ZNF654: variants seen among roughly 807,000 people sequenced by gnomAD.
ZNF654 encodes zinc finger protein 654, also known as melanoma-associated antigen.
A neutral mutation model predicts 95.3 loss-of-function variants in ZNF654; 19 were observed. The observed-to-expected ratio is 0.20, with a 90% CI of 0.14 to 0.29. The LOEUF (loss-of-function observed/expected upper bound fraction) is 0.29. ZNF654 is among the 10% of genes least tolerant of loss of function. The pLI is 1.00. For missense variants in ZNF654, 1,046 were observed against 1,341.0 expected, an observed-to-expected ratio of 0.78 and a Z score of 3.44; for synonymous variants, 413 against 457.9, an observed-to-expected ratio of 0.90 and a Z score of 1.25.
At chr3:88,132,141 C>T (rs1318936105) in intron 6 of ZNF654, among the ~76,000 whole-genome samples, 1 of 152,048 alleles carries the variant, frequency 6.6e-6, no homozygotes, top group Non-Finnish European at 1.5e-5. Context: ...TGTGTTCAAG[C>T]CATTCAGCTA....
chr3:88,114,032 AACTTTT>A (rs1157916310), intron 3 of ZNF654, among the ~76,000 whole-genome samples: 2 of 152,182 alleles, frequency 1.3e-5, no homozygotes, highest in African/African-American at 4.8e-5. Flanking sequence ...TCCATTCTTA[AACTTTT>A]ACTTGGCAAA....
In ZNF654 at chr3:88,141,673, C is replaced by A. The variant is rs921202280; in HGVS notation, c.*21C>A. The A allele has an allele frequency of 4.7e-6, 7 of 1,499,642 alleles. No individual in the cohort carries two copies. The African/African-American group carries it at 8.2e-5, about 18-fold the overall frequency. The allele number at this position is 1,499,642 out of a possible 1,614,324, so 92.9% of individuals were successfully genotyped here. The stretch of plus-strand genomic sequence containing the variant: ...CCTGATGAAAACGGTTCAGAAAGAT[C>A]TGTCAATCAAGCAGTAGTGTGAAAA... On this transcript the variant is annotated 3_prime_UTR_variant, in exon 9 of 9. Coordinates refer to ENST00000636215, the MANE Select transcript of ZNF654 (RefSeq NM_001350134.2).
intron 1 of ZNF654, among the ~76,000 whole-genome samples, chr3:88,074,698 C>T (rs1484521251): frequency 1.3e-5 from 2 of 152,112 alleles, no homozygotes; most frequent in African/African-American, 4.8e-5. Context: ...TATTACTGCA[C>T]CCAACCCAAT....
intron 1 of ZNF654, among the ~76,000 whole-genome samples, chr3:88,060,939 T>C (rs1706843274): frequency 6.6e-6 from 1 of 152,180 alleles, no homozygotes. Flanking sequence ...CCCAGTGTCA[T>C]AAAGAAGTTG....
At position 88,140,717 on chromosome 3, in the gene ZNF654, A is replaced by G. The variant is rs1402085986; in HGVS notation, c.3048A>G (p.Gln1016=). 3.1e-6 allele frequency: 5 copies of G among 1,613,784 alleles called. No individual in the cohort carries two copies. The South Asian group carries it at 5.5e-5, about 18-fold the overall frequency. Residue 1016 remains glutamine, a synonymous_variant, in exon 8 of 9, where the codon CAA becomes CAG. Transcript: ENST00000636215. ...CCATTTTGCCCAGTGTTGTACCACA[A>G]GAACACAACACCTTGCCAGTATCTC... ...NGSILPSVVP[Q]EHNTLPVSQA...
chr3:88,129,345 A>C (rs1363027914), intron 5 of ZNF654, among the ~76,000 whole-genome samples: 1 of 149,902 alleles, frequency 6.7e-6, no homozygotes, highest in Non-Finnish European at 1.5e-5. Flanking sequence ...AAAAAAAAAA[A>C]CCCAAGAAGC....
At chr3:88,102,896 A>T (rs1271582566) in intron 2 of ZNF654, among the ~76,000 whole-genome samples, 3 of 133,088 alleles carry the variant, frequency 2.3e-5, no homozygotes, top group Non-Finnish European at 4.6e-5. Context: ...TGTTGCATGG[A>T]TATATTGCTG....
At chr3:88,134,939 G>A (rs1352614439) in intron 6 of ZNF654, 122 bp from the exon 7 acceptor site, 6 of 578,772 alleles carry the variant, frequency 1.0e-5, no homozygotes, top group Non-Finnish European at 1.6e-5. Context: ...GGGGGTGAAC[G>A]TAATACATAT....
chr3:88,088,761 T>TGGATGGATGGATGG (rs1559701696), intron 2 of ZNF654, among the ~76,000 whole-genome samples: 9 of 126,428 alleles, frequency 7.1e-5, no homozygotes, highest in Non-Finnish European at 1.2e-4. Flanking sequence ...TGTATGTATG[T>TGGATGGATGGATGG]ATGGATGGAT....
At chr3:88,090,612 T>C (rs1485179223) in intron 2 of ZNF654, among the ~76,000 whole-genome samples, 3 of 151,970 alleles carry the variant, frequency 2.0e-5, no homozygotes, top group Non-Finnish European at 4.4e-5. Flanking sequence ...ATACAGTGTT[T>C]ATATTTCTAC....
At chr3:88,107,916 GACTA>G (rs1389146638) in intron 2 of ZNF654, among the ~76,000 whole-genome samples, 1 of 151,948 alleles carries the variant, frequency 6.6e-6, no homozygotes. Flanking sequence ...AAGTCTCTGT[GACTA>G]ACGTTCTTTT....
intron 1 of ZNF654, among the ~76,000 whole-genome samples, chr3:88,083,782 T>A (rs1462636091): frequency 2.0e-5 from 3 of 152,118 alleles, no homozygotes; most frequent in Non-Finnish European, 4.4e-5. Flanking sequence ...ATTATGTTAA[T>A]GGCAACCTAC....
chr3:88,072,726 T>G (rs544059879), intron 1 of ZNF654, among the ~76,000 whole-genome samples: 1 of 152,244 alleles, frequency 6.6e-6, no homozygotes, highest in South Asian at 2.1e-4. Flanking sequence ...CCATCTAATA[T>G]ATATTCATTT....
At position 88,128,981 on chromosome 3, in the gene ZNF654, G is replaced by A. The variant is rs1559729198; in HGVS notation, c.723G>A (p.Met241Ile). 3 of 1,534,056 alleles carry A rather than the reference G, an allele frequency of 2.0e-6. No homozygotes were observed. The highest frequency in any genetic ancestry group is 1.2e-5 in the South Asian group (1 of 83,860). Residue 241 changes from methionine to isoleucine, a missense_variant, in exon 5 of 9, where the codon ATG (methionine) becomes ATA (isoleucine). By Grantham distance (10) the Met-to-Ile change is conservative. This residue lies in a region of ZNF654 where 121 missense variants were observed against 141.7 expected (regional missense o/e 0.85). Transcript: ENST00000636215. ...AAGCACTCTTCACATGTCTGTTTAT[G>A]TCACCTGTAGAAGATCAGCTATTCC... ...FHQALFTCLF[M>I]SPVEDQLFRE...
chr3:88,111,678 T>C (rs937368690), intron 2 of ZNF654, among the ~76,000 whole-genome samples: 6 of 152,002 alleles, frequency 3.9e-5, no homozygotes, highest in African/African-American at 1.4e-4. Context: ...TTTGAGCTTA[T>C]ATATGTATAT....
In ZNF654 at chr3:88,059,267, T is replaced by G; in HGVS notation, c.-53T>G. 3 of 1,531,774 alleles carry G rather than the reference T, an allele frequency of 2.0e-6. No individual in the cohort carries two copies. The highest frequency in any genetic ancestry group is 2.6e-6 in the Non-Finnish European group (3 of 1,145,706). The allele number at this position is 1,531,774 out of a possible 1,614,324, so 94.9% of individuals were successfully genotyped here. A position where few individuals can be genotyped will look rare whatever the true frequency, so the allele number is the denominator to read the frequency against. ...GGAGGAGGAGGTTAGCCTAGGCATCTACGGCGGCGGCGGCGGCGCAGGGGC... is the reference window on the plus strand; with the variant it reads ...GGAGGAGGAGGTTAGCCTAGGCATCGACGGCGGCGGCGGCGGCGCAGGGGC... On this transcript the variant is annotated 5_prime_UTR_variant, in exon 1 of 9. Transcript: ENST00000636215.
At chr3:88,078,776 T>C (rs895697212) in intron 1 of ZNF654, among the ~76,000 whole-genome samples, 5 of 152,110 alleles carry the variant, frequency 3.3e-5, no homozygotes, top group Admixed American at 1.3e-4. Context: ...GAATTTCTCA[T>C]GGTATTCTTA....
rs1486820307 is a variant in ZNF654 at position 88,143,086 on chromosome 3, A to T, written c.*1434A>T. 2 of 152,290 alleles carry T rather than the reference A, an allele frequency of 1.3e-5. No homozygotes were observed. The highest frequency in any genetic ancestry group is 3.0e-5 in the Non-Finnish European group (2 of 67,778). 9.4% of individuals were successfully genotyped at this position (152,290 alleles called of 1,614,324 possible). A position where few individuals can be genotyped will look rare whatever the true frequency, so the allele number is the denominator to read the frequency against. On this transcript the variant is annotated 3_prime_UTR_variant, in exon 9 of 9. Transcript: ENST00000636215. ...ATATTCCAGTTATTCTAAATAATAA[A>T]ATCTTTGTTCAAGGCAGATAATCTC...
At chr3:88,073,469 A>T (rs1204400597) in intron 1 of ZNF654, among the ~76,000 whole-genome samples, 1 of 152,212 alleles carries the variant, frequency 6.6e-6, no homozygotes, top group Admixed American at 6.5e-5. Flanking sequence ...AAGTCTACAT[A>T]AAAAAAGTAA....
Sources: gnomAD v4.1 joint callset for allele counts (sites outside exome capture counted in the v4.1 genomes callset) on GRCh38, gnomAD v4.1.1 for gene constraint, gnomAD v4.1.1 regional missense constraint, MANE v1.5 for transcripts, NCBI Gene and HGNC (gene_info 2026-07-23, HGNC 2026-07-21) for gene names.